Variants in DOCK11 observed in about 807,000 individuals in gnomAD.
DOCK11 encodes the protein dedicator of cytokinesis protein 11.
Under a neutral mutation model 169.1 loss-of-function variants are expected in DOCK11, and 70 were observed. The observed-to-expected ratio is 0.41, with a 90% CI of 0.34 to 0.51. The LOEUF is 0.51. Among genes scored for constraint, DOCK11 ranks in the 20% least tolerant of loss-of-function variants. DOCK11 has a pLI of 0.10. For missense variants in DOCK11, 1,166 were observed against 1,538.8 expected (o/e 0.76, Z 4.05); for synonymous variants, 529 against 541.3 (o/e 0.98, Z 0.32).
In DOCK11 at chrX:118,590,312, T is replaced by C. The variant is rs1428948039; in HGVS notation, c.2139+10T>C. 2.6e-6 allele frequency: 3 copies of C among 1,148,573 alleles called. No individual in the cohort carries two copies. The highest frequency in any genetic ancestry group is 2.4e-6 in the Non-Finnish European group (2 of 841,818). 94.7% of individuals were successfully genotyped at this position (1,148,573 alleles called of 1,213,427 possible). On this transcript the variant is annotated intron_variant, in intron 19 of 52. Coordinates refer to ENST00000276202, the MANE Select transcript of DOCK11 (RefSeq NM_144658.4). Reference sequence around the variant, plus strand: ...AGAGTTCTATGATGAGGTAAAAATATATTATCCTGACATTTCTAAAACACA... The same window carrying C: ...AGAGTTCTATGATGAGGTAAAAATACATTATCCTGACATTTCTAAAACACA...
chrX:118,528,168 C>T (rs904722916), intron 1 of DOCK11, among the ~76,000 whole-genome samples: 3 of 111,880 alleles, frequency 2.7e-5, no homozygotes, highest in African/African-American at 9.8e-5. Context: ...GCATAGGGAG[C>T]TGCCAAGGTG....
intron 44 of DOCK11, among the ~76,000 whole-genome samples, chrX:118,662,191 C>T (rs761461124): frequency 1.8e-5 from 2 of 111,265 alleles, no homozygotes; most frequent in African/African-American, 6.5e-5. Context: ...ATGCTTCATC[C>T]CTGCCATCTG....
chrX:118,648,562 AT>A (rs1464171812), intron 40 of DOCK11, among the ~76,000 whole-genome samples: 1 of 93,677 alleles, frequency 1.1e-5, no homozygotes, highest in African/African-American at 4.1e-5. Context: ...TAAATTATAT[AT>A]ATTATATACA....
chrX:118,578,072 G>A (rs892614575), intron 12 of DOCK11, among the ~76,000 whole-genome samples: 3 of 112,224 alleles, frequency 2.7e-5, no homozygotes, highest in Admixed American at 9.5e-5. Flanking sequence ...CAGAGCTCTT[G>A]AACTGCAACA....
intron 32 of DOCK11, among the ~76,000 whole-genome samples, chrX:118,626,939 A>T (rs376249621): frequency 5.3e-5 from 6 of 112,560 alleles, no homozygotes; most frequent in African/African-American, 1.9e-4. Flanking sequence ...TCATGTTAAG[A>T]CTTTACCAGG....
At chrX:118,650,003 A>G (rs978398935) in intron 41 of DOCK11, among the ~76,000 whole-genome samples, 1 of 111,834 alleles carries the variant, frequency 8.9e-6, no homozygotes, top group African/African-American at 3.3e-5. Flanking sequence ...CAGATAACAC[A>G]GTTTATGTTT....
chrX:118,515,788 A>G (rs1416221978), intron 1 of DOCK11, among the ~76,000 whole-genome samples: 2 of 106,970 alleles, frequency 1.9e-5, no homozygotes, highest in Middle Eastern at 4.4e-3. Flanking sequence ...CTAGAAAGCT[A>G]TTGCTTAGTA....
chrX:118,624,676 G>T, intron 32 of DOCK11, 21 bp downstream of exon 32: 1 of 1,068,315 alleles, frequency 9.4e-7, no homozygotes, highest in South Asian at 2.0e-5. Flanking sequence ...ATGTGTTTCT[G>T]TTGGAGTTTT....
At chrX:118,568,216 A>G in intron 10 of DOCK11, 54 bp downstream of exon 10, 1 of 751,801 alleles carries the variant, frequency 1.3e-6, no homozygotes, top group Non-Finnish European at 1.9e-6. Flanking sequence ...ATTCAGATAA[A>G]CAACATCTTT....
intron 30 of DOCK11, among the ~76,000 whole-genome samples, chrX:118,617,587 A>G (rs994298659): frequency 3.1e-5 from 3 of 96,984 alleles, no homozygotes. Flanking sequence ...TTTAAAATAG[A>G]CTGAGGATCT....
At position 118,680,709 on chromosome X, in the gene DOCK11, A is replaced by G. The variant is rs569146162; in HGVS notation, c.5671+17A>G. 2.2e-4 allele frequency: 252 copies of G among 1,121,488 alleles called. No homozygotes were observed. The South Asian group carries it at 4.7e-3, about 21-fold the overall frequency. 92.4% of individuals were successfully genotyped at this position (1,121,488 alleles called of 1,213,427 possible). A position where few individuals can be genotyped will look rare whatever the true frequency, so the allele number is the denominator to read the frequency against. On this transcript the variant is annotated intron_variant, in intron 49 of 52. Coordinates refer to ENST00000276202, the MANE Select transcript of DOCK11 (RefSeq NM_144658.4). ...TCTTGACAAGTAAGTACAATTTTAC[A>G]TATTAACTTCTTATTTGTCTTGGTC...
rs951214527 is a variant in DOCK11, at chrX:118,496,167, T to C, written c.102+94T>C. 1.3e-3 allele frequency: 780 copies of C among 594,741 alleles called. 1 individual carries two copies. The highest frequency in any genetic ancestry group is 1.6e-3 in the Non-Finnish European group (730 of 457,268). The allele number at this position is 594,741 out of a possible 1,213,427, so 49.0% of individuals were successfully genotyped here. A position where few individuals can be genotyped will look rare whatever the true frequency, so the allele number is the denominator to read the frequency against. ...GAACGGCGCCAGTGCGGCCGCTTGG[T>C]GCGCCGCGCGCTGTCTTTCTCCGCT... On this transcript the variant is annotated intron_variant, in intron 1 of 52. Coordinates refer to ENST00000276202, the MANE Select transcript of DOCK11 (RefSeq NM_144658.4).
Position 118,649,049 on chromosome X carries a change from A to G in DOCK11, c.4503A>G (p.Ala1501=), listed in dbSNP as rs754290811. 8.3e-7 allele frequency: 1 copy of G among 1,207,327 alleles called. No individual in the cohort carries two copies. Among genetic ancestry groups the G allele is most frequent in the Non-Finnish European group, 1.1e-6 (1 of 893,920 alleles). Reference sequence around the variant, plus strand: ...AGATTAGCTCAACCAGGAATGAAGCATCTGCACTTTTGTATCTTTTGATGA... The same window carrying G: ...AGATTAGCTCAACCAGGAATGAAGCGTCTGCACTTTTGTATCTTTTGATGA... ...TSKISSTRNE[A]SALLYLLMRN... is the part of the protein sequence containing the mutation. Residue 1501 remains alanine, a synonymous_variant, in exon 41 of 53, where the codon GCA becomes GCG. Coordinates refer to ENST00000276202, the MANE Select transcript of DOCK11 (RefSeq NM_144658.4).
intron 35 of DOCK11, among the ~76,000 whole-genome samples, chrX:118,635,187 C>T (rs1445623651): frequency 1.8e-5 from 2 of 112,063 alleles, no homozygotes; most frequent in Non-Finnish European, 3.8e-5. Flanking sequence ...CTCCTTGCCC[C>T]TCCATAAAGC....
chrX:118,570,717 T>G (rs1485386642), intron 10 of DOCK11, among the ~76,000 whole-genome samples: 1 of 112,328 alleles, frequency 8.9e-6, no homozygotes, highest in Non-Finnish European at 1.9e-5. Context: ...GACAGTGTTA[T>G]TCTGCTCAGA....
intron 46 of DOCK11, among the ~76,000 whole-genome samples, chrX:118,671,598 A>G (rs931775967): frequency 8.9e-6 from 1 of 112,233 alleles, no homozygotes; most frequent in Non-Finnish European, 1.9e-5. Flanking sequence ...CCTACCTTAT[A>G]TTCATTTATG....
intron 30 of DOCK11, among the ~76,000 whole-genome samples, chrX:118,617,130 G>C (rs187649938): frequency 5.4e-5 from 6 of 111,493 alleles, no homozygotes; most frequent in Non-Finnish European, 9.4e-5. Context: ...ATAATCCTTC[G>C]GCTTCATGGC....
intron 1 of DOCK11, among the ~76,000 whole-genome samples, chrX:118,510,190 G>T (rs1237738007): frequency 8.9e-6 from 1 of 112,236 alleles, no homozygotes; most frequent in African/African-American, 3.2e-5. Flanking sequence ...TGTCACCCAA[G>T]TTTGAGGACT....
At chrX:118,503,171 T>C (rs763727910) in intron 1 of DOCK11, among the ~76,000 whole-genome samples, 4 of 106,851 alleles carry the variant, frequency 3.7e-5, no homozygotes, top group Non-Finnish European at 5.8e-5. Context: ...GCGATTCTCC[T>C]GCCTCGGGCT....
Sources: allele counts gnomAD v4.1 joint callset (sites outside exome capture counted in the v4.1 genomes callset), GRCh38; gene constraint gnomAD v4.1.1; transcripts MANE v1.5; gene names NCBI Gene and HGNC (gene_info 2026-07-23, HGNC 2026-07-21).